The following PARD3B variants were observed in gnomAD, a reference collection of about 807,000 sequenced individuals.
PARD3B encodes par-3 family cell polarity regulator beta, also known as partitioning defective 3 homolog B.
PARD3B carries 103 observed loss-of-function variants against 130.2 expected under a neutral mutation model. That is an observed-to-expected ratio of 0.79 (90% CI 0.67 to 0.93). The LOEUF is 0.93. PARD3B is among the 40% of genes least tolerant of loss of function. PARD3B has a pLI of 0.00. For missense variants in PARD3B, 1,609 were observed against 1,499.2 expected (o/e 1.07, Z -1.21); for synonymous variants, 583 against 553.2 (o/e 1.05, Z -0.76).
chr2:204,872,889 A>G (rs1209564869), intron 2 of PARD3B, among the ~76,000 whole-genome samples: 1 of 152,096 alleles, frequency 6.6e-6, no homozygotes, highest in Non-Finnish European at 1.5e-5. Context: ...ATGTCCCTCT[A>G]TATTCTGTCC....
At chr2:204,567,400 C>T (rs1053473877) in intron 1 of PARD3B, among the ~76,000 whole-genome samples, 1 of 152,166 alleles carries the variant, frequency 6.6e-6, no homozygotes, top group African/African-American at 2.4e-5. Flanking sequence ...CTCTGACAAC[C>T]ACCATTTACT....
chr2:205,378,625 AT>A (rs1259558830), intron 18 of PARD3B, among the ~76,000 whole-genome samples: 25 of 138,556 alleles, frequency 1.8e-4, no homozygotes, highest in East Asian at 4.1e-4. Context: ...AAGAGACATG[AT>A]TTTTTTTTCT....
intron 1 of PARD3B, among the ~76,000 whole-genome samples, chr2:204,582,459 T>C (rs1379781741): frequency 6.6e-6 from 1 of 151,966 alleles, no homozygotes; most frequent in African/African-American, 2.4e-5. Context: ...TTCTTGACTA[T>C]CAAGAAAGAA....
At chr2:205,050,393 G>GGT (rs374637185) in intron 4 of PARD3B, among the ~76,000 whole-genome samples, 119 of 151,338 alleles carry the variant, frequency 7.9e-4, no homozygotes, top group African/African-American at 2.7e-3. Context: ...CTAGAAGGAA[G>GGT]GTGTGTGTGT....
intron 2 of PARD3B, among the ~76,000 whole-genome samples, chr2:204,814,862 G>A (rs73982532): frequency 0.012 from 1,882 of 151,864 alleles, 40 homozygotes; most frequent in African/African-American, 0.044. Context: ...TGTTAATATG[G>A]TGAGTTACAT....
chr2:205,601,385 A>G lies in PARD3B; in HGVS notation c.3261-14071A>G, dbSNP rs145274214. On this transcript the variant is annotated intron_variant, in intron 22 of 22. Transcript: ENST00000406610. ...GTAAATTTATTTAAGTTCCTTATAG[A>G]TTCTGGATATTAGACCTTTGTCAGA... Among the ~76,000 whole-genome samples, 45 of 152,184 alleles carry G rather than the reference A, an allele frequency of 3.0e-4. 1 individual carries two copies. The East Asian group carries it at 6.4e-3, about 22-fold the overall frequency.
chr2:205,467,843 GAACTGCCACTA>G (rs2048685472), intron 20 of PARD3B, among the ~76,000 whole-genome samples: 1 of 152,160 alleles, frequency 6.6e-6, no homozygotes, highest in South Asian at 2.1e-4. Context: ...TGTTAAACCT[GAACTGCCACTA>G]AACAAGCACC....
At chr2:205,597,195 T>C (rs1332545038) in intron 22 of PARD3B, among the ~76,000 whole-genome samples, 1 of 152,164 alleles carries the variant, frequency 6.6e-6, no homozygotes, top group African/African-American at 2.4e-5. Flanking sequence ...TCTACTCTTG[T>C]AGTCCCCAGA....
chr2:205,130,514 T>C (rs2031900038), intron 10 of PARD3B, among the ~76,000 whole-genome samples: 1 of 152,196 alleles, frequency 6.6e-6, no homozygotes, highest in South Asian at 2.1e-4. Flanking sequence ...AGTTATTTGC[T>C]ATGTATGTGT....
intron 4 of PARD3B, among the ~76,000 whole-genome samples, chr2:205,056,349 A>T (rs1438250525): frequency 2.6e-5 from 4 of 152,104 alleles, no homozygotes; most frequent in Non-Finnish European, 4.4e-5. Flanking sequence ...CTTTCCTAAT[A>T]GCTCTGTACT....
At chr2:204,580,688 C>G (rs976508282) in intron 1 of PARD3B, among the ~76,000 whole-genome samples, 1 of 152,086 alleles carries the variant, frequency 6.6e-6, no homozygotes, top group Non-Finnish European at 1.5e-5. Context: ...TAAAAATGTG[C>G]TATATAAGTA....
chr2:205,035,130 TG>T (rs1215740231), intron 3 of PARD3B, among the ~76,000 whole-genome samples: 8 of 152,166 alleles, frequency 5.3e-5, no homozygotes. Flanking sequence ...CCCAAAGTGC[TG>T]GGATTACAGG....
At chr2:205,232,061 G>A (rs756225826) in intron 15 of PARD3B, among the ~76,000 whole-genome samples, 54 of 152,234 alleles carry the variant, frequency 3.5e-4, no homozygotes, top group Non-Finnish European at 6.2e-4. Flanking sequence ...TCAGCATAGA[G>A]TAAATGCTGC....
At chr2:204,901,619 CAA>C (rs71032415) in intron 2 of PARD3B, among the ~76,000 whole-genome samples, 29,921 of 151,370 alleles carry the variant, frequency 0.2, 3,469 homozygotes, top group Non-Finnish European at 0.26. Flanking sequence ...AGGTGCAAGA[CAA>C]AGTCCCCTTT....
chr2:205,001,917 A>C (rs935944063), intron 3 of PARD3B, among the ~76,000 whole-genome samples: 2 of 152,220 alleles, frequency 1.3e-5, no homozygotes, highest in Non-Finnish European at 2.9e-5. Context: ...TATCTCATAC[A>C]TGGTATTGAA....
At chr2:205,542,804 G>A (rs1248241553) in intron 21 of PARD3B, among the ~76,000 whole-genome samples, 21 of 152,128 alleles carry the variant, frequency 1.4e-4, no homozygotes, top group Admixed American at 1.4e-3. Context: ...TTATACTCCA[G>A]ATCTGAGTTC....
chr2:204,896,937 A>G (rs937693086), intron 2 of PARD3B, among the ~76,000 whole-genome samples: 1 of 152,164 alleles, frequency 6.6e-6, no homozygotes, highest in Non-Finnish European at 1.5e-5. Context: ...AAATGATTAT[A>G]TTAGTAGTAA....
In PARD3B at chr2:204,946,546, T is replaced by C. The variant is rs558879876; in HGVS notation, c.223-18606T>C. On this transcript the variant is annotated intron_variant, in intron 2 of 22. Coordinates refer to ENST00000406610, the MANE Select transcript of PARD3B (RefSeq NM_001302769.2). ...GTAATTGTAGGGAACACCGAGGAGA[T>C]TTATTTTGCTTCTAGGTCTTGGACT... Among the ~76,000 whole-genome samples, 94 of 152,278 alleles carry C rather than the reference T, an allele frequency of 6.2e-4. No individual in the cohort carries two copies. The South Asian group carries it at 0.019, about 30-fold the overall frequency.
chr2:205,005,202 A>G (rs905229534), intron 3 of PARD3B, among the ~76,000 whole-genome samples: 2 of 152,084 alleles, frequency 1.3e-5, no homozygotes, highest in African/African-American at 4.8e-5. Flanking sequence ...GAGAGAAAGT[A>G]TACACACATG....
Sources: gnomAD v4.1 joint callset for allele counts (sites outside exome capture counted in the v4.1 genomes callset) on GRCh38, gnomAD v4.1.1 for gene constraint, MANE v1.5 for transcripts, NCBI Gene and HGNC (gene_info 2026-07-23, HGNC 2026-07-21) for gene names.